The following FANCI variants were observed in gnomAD, a reference collection of about 807,000 sequenced individuals.
FANCI encodes the protein Fanconi anemia group I protein.
A neutral mutation model predicts 176.1 loss-of-function variants in FANCI; 156 were observed. The observed-to-expected ratio is 0.89, with a 90% CI of 0.78 to 1.01. The LOEUF (loss-of-function observed/expected upper bound fraction) is 1.01, where lower values mean the gene tolerates loss of function less well. Among genes scored for constraint, FANCI ranks in the 50% least tolerant of loss-of-function variants. FANCI has a pLI of 0.00. For missense variants in FANCI, 1,678 were observed against 1,534.1 expected (o/e 1.09, Z -1.57); for synonymous variants, 613 against 541.7 (o/e 1.13, Z -1.83).
chr15:89,316,147 T>C (rs1044321898), intron 37 of FANCI, among the ~76,000 whole-genome samples: 2 of 152,222 alleles, frequency 1.3e-5, no homozygotes, highest in Non-Finnish European at 2.9e-5. Context: ...TCTCTTGTCA[T>C]TTTGTCCCAT....
chr15:89,299,905 A>G lies in FANCI; in HGVS notation c.2742A>G (p.Lys914=). Residue 914 remains lysine (K), a synonymous_variant, in exon 25 of 38, where the codon AAA becomes AAG. Transcript: ENST00000310775. Reference sequence around the variant, plus strand: ...TGCTGTGCTTGGAGGGTTTACAGAAAATATTCAGTGCTGTGCAACAGTTCT... The same window carrying G: ...TGCTGTGCTTGGAGGGTTTACAGAAGATATTCAGTGCTGTGCAACAGTTCT... The part of the protein sequence containing the change: ...ISLLCLEGLQ[K]IFSAVQQFYQ... 6.2e-7 allele frequency: 1 copy of G among 1,614,088 alleles called. No homozygotes were observed. Among genetic ancestry groups the G allele is most frequent in the Non-Finnish European group, 8.5e-7 (1 of 1,179,980 alleles).
intron 1 of FANCI, among the ~76,000 whole-genome samples, chr15:89,244,998 A>G (rs1056475958): frequency 2.0e-5 from 3 of 152,196 alleles, no homozygotes; most frequent in African/African-American, 7.2e-5. Flanking sequence ...AAAACCAGCT[A>G]CGGCCCGTGT....
At position 89,284,443 on chromosome 15, in the gene FANCI, T is replaced by A. The variant is rs74031430; in HGVS notation, c.1699-653T>A. Among the ~76,000 whole-genome samples the A allele has an allele frequency of 4.3e-3, 661 of 152,314 alleles. 9 individuals are homozygous for A. Among genetic ancestry groups the A allele is most frequent in the African/African-American group, 0.015 (632 of 41,576 alleles). On this transcript the variant is annotated intron_variant, in intron 17 of 37. Coordinates refer to ENST00000310775, the MANE Select transcript of FANCI (RefSeq NM_001113378.2). Reference sequence around the variant, plus strand: ...AGCATAGATTAAATATTAGGAACACTAGATATCATTTGTGTGTTATTATCC... The same window carrying A: ...AGCATAGATTAAATATTAGGAACACAAGATATCATTTGTGTGTTATTATCC...
At chr15:89,303,453 T>C (rs2054597832) in intron 27 of FANCI, among the ~76,000 whole-genome samples, 1 of 152,226 alleles carries the variant, frequency 6.6e-6, no homozygotes, top group Admixed American at 6.5e-5. Context: ...TTCTTTTGGC[T>C]TCTAAATGCT....
chr15:89,292,596 T>C (rs2054110301), intron 20 of FANCI, 92 bp from the exon 21 acceptor site: 1 of 1,282,934 alleles, frequency 7.8e-7, no homozygotes, highest in East Asian at 2.3e-5. Flanking sequence ...TTCTTTAGCC[T>C]TATAGATAAG....
chr15:89,291,576 A>T (rs367918817), intron 19 of FANCI, 37 bp from the exon 20 acceptor site: 8 of 1,543,932 alleles, frequency 5.2e-6, no homozygotes, highest in Non-Finnish European at 7.2e-6. Flanking sequence ...AAAAGCATTT[A>T]TGAGCCAAGA....
chr15:89,263,347 T>C, intron 6 of FANCI, 72 bp from the exon 7 acceptor site: 2 of 1,295,374 alleles, frequency 1.5e-6, no homozygotes, highest in Non-Finnish European at 2.2e-6. Flanking sequence ...TGTTTTTTTG[T>C]CCTCATTAAT....
chr15:89,244,989 A>G (rs2051880787), intron 1 of FANCI, among the ~76,000 whole-genome samples: 1 of 152,208 alleles, frequency 6.6e-6, no homozygotes, highest in South Asian at 2.1e-4. Context: ...ATGATAAACA[A>G]AACCAGCTAC....
In FANCI at chr15:89,286,373, CTAGT is replaced by C. The variant is rs375517564; in HGVS notation, c.1821+1158_1821+1161del. Among the ~76,000 whole-genome samples the C allele has an allele frequency of 3.3e-3, 498 of 152,292 alleles. 4 individuals carry two copies. The highest frequency in any genetic ancestry group is 0.011 in the African/African-American group (475 of 41,554). On this transcript the variant is annotated intron_variant, in intron 18 of 37. Coordinates refer to ENST00000310775, the MANE Select transcript of FANCI (RefSeq NM_001113378.2). The stretch of plus-strand genomic sequence containing the variant: ...GTTTACTGAACGTCTGATTAAATCA[CTAGT>C]TATTATGACAGTACAGCTAAGAGAA...
chr15:89,247,799 T>C, intron 2 of FANCI, 68 bp downstream of exon 2: 1 of 1,386,356 alleles, frequency 7.2e-7, no homozygotes, highest in East Asian at 2.3e-5. Flanking sequence ...AAAGGACATG[T>C]GAGAAAGAAA....
chr15:89,298,432 T>C (rs889827028), intron 24 of FANCI, among the ~76,000 whole-genome samples: 1 of 152,130 alleles, frequency 6.6e-6, no homozygotes, highest in African/African-American at 2.4e-5. Context: ...ACATCTTGAA[T>C]AGAATGGAAA....
intron 18 of FANCI, among the ~76,000 whole-genome samples, chr15:89,287,030 G>C (rs984284893): frequency 1.5e-5 from 2 of 129,354 alleles, no homozygotes; most frequent in African/African-American, 3.0e-5. Flanking sequence ...CTGTAGTGCA[G>C]TGGCACAATC....
intron 24 of FANCI, among the ~76,000 whole-genome samples, chr15:89,296,556 T>C (rs1393972533): frequency 1.3e-5 from 2 of 152,182 alleles, no homozygotes; most frequent in African/African-American, 4.8e-5. Context: ...GAATTTTTCT[T>C]AGTACAGAAC....
At position 89,314,596 on chromosome 15, in the gene FANCI, T is replaced by C. The variant is rs780200978; in HGVS notation, c.3721-16T>C. ...CATTGAACCTGAAATTTAAGTCTTATGTTCTTTGCCCTTAGGCCAGAGTTC... is the reference window on the plus strand; with the variant it reads ...CATTGAACCTGAAATTTAAGTCTTACGTTCTTTGCCCTTAGGCCAGAGTTC... On this transcript the variant is annotated splice_polypyrimidine_tract_variant and intron_variant, in intron 35 of 37. Coordinates refer to ENST00000310775, the MANE Select transcript of FANCI (RefSeq NM_001113378.2). 18 of 1,596,494 alleles carry C rather than the reference T, an allele frequency of 1.1e-5. No individual in the cohort carries two copies. Among genetic ancestry groups the C allele is most frequent in the East Asian group, 4.5e-5 (2 of 44,810 alleles).
intron 34 of FANCI, among the ~76,000 whole-genome samples, chr15:89,309,812 T>C (rs2151958831): frequency 1.3e-5 from 2 of 152,330 alleles, no homozygotes; most frequent in South Asian, 2.1e-4. Context: ...ATAACAAATG[T>C]TACTATTTGG....
At chr15:89,253,352 C>A (rs1010523117) in intron 2 of FANCI, among the ~76,000 whole-genome samples, 2 of 152,024 alleles carry the variant, frequency 1.3e-5, no homozygotes, top group African/African-American at 4.8e-5. Context: ...AAAAACAAAT[C>A]TAAATAAATG....
At chr15:89,312,004 A>T (rs2054983410) in intron 34 of FANCI, among the ~76,000 whole-genome samples, 1 of 152,150 alleles carries the variant, frequency 6.6e-6, no homozygotes, top group Non-Finnish European at 1.5e-5. Flanking sequence ...CCTCTCCAGG[A>T]GCTCTTTATT....
chr15:89,313,900 T>TAC (rs34352725), intron 35 of FANCI, among the ~76,000 whole-genome samples: 56,364 of 142,188 alleles, frequency 0.4, 11,724 homozygotes, highest in Non-Finnish European at 0.47. Context: ...GGGTTAAAAA[T>TAC]ACACACACAC....
chr15:89,278,470 G>A (rs1341451316), intron 13 of FANCI, among the ~76,000 whole-genome samples: 1 of 152,150 alleles, frequency 6.6e-6, no homozygotes, highest in Non-Finnish European at 1.5e-5. Context: ...TGTACTTTTA[G>A]GCTAATAAAC....
Sources: allele counts gnomAD v4.1 joint callset (sites outside exome capture counted in the v4.1 genomes callset), GRCh38; gene constraint gnomAD v4.1.1; transcripts MANE v1.5; gene names NCBI Gene and HGNC (gene_info 2026-07-23, HGNC 2026-07-21).